The following CACNA1D variants were observed in gnomAD, a reference collection of about 807,000 sequenced individuals.
CACNA1D encodes the protein voltage-dependent L-type calcium channel subunit alpha-1D.
In CACNA1D, 55 loss-of-function variants were observed where a neutral mutation model predicts 257.1. That is an observed-to-expected ratio of 0.21 (90% CI 0.17 to 0.27). The LOEUF is 0.27. Ranked by LOEUF, CACNA1D falls within the 10% of genes least tolerant of loss-of-function variation. The probability of loss-of-function intolerance (pLI) is 1.00; values close to 1 mark genes in which losing one functional copy is unlikely to be tolerated. For synonymous variants in CACNA1D, 980 were observed against 1,014.9 expected (o/e 0.97, Z 0.65); for missense variants, 1,876 against 2,784.0 (o/e 0.67, Z 7.34).
intron 32 of CACNA1D, 45 bp from the exon 33 acceptor site, chr3:53,772,787 CG>C (rs757950063): frequency 6.6e-6 from 10 of 1,511,774 alleles, no homozygotes; most frequent in Non-Finnish European, 9.2e-6. Context: ...CGGGCCGTCA[CG>C]GGGACAGCCG....
intron 3 of CACNA1D, among the ~76,000 whole-genome samples, chr3:53,550,642 C>T (rs1337065521): frequency 6.6e-6 from 1 of 152,154 alleles, no homozygotes; most frequent in South Asian, 2.1e-4. Context: ...GCTTCTCAGT[C>T]GTCTTTGCAG....
intron 32 of CACNA1D, 31 bp downstream of exon 32, chr3:53,770,583 G>T (rs1559657398): frequency 6.2e-7 from 1 of 1,609,686 alleles, no homozygotes; most frequent in African/African-American, 1.3e-5. Flanking sequence ...TTCTCTCTTT[G>T]TCTTTGAAGA....
chr3:53,771,382 A>C (rs2095365509), intron 32 of CACNA1D, among the ~76,000 whole-genome samples: 1 of 152,206 alleles, frequency 6.6e-6, no homozygotes, highest in African/African-American at 2.4e-5. Flanking sequence ...ATATAAAGAG[A>C]AATTTCAAAC....
intron 3 of CACNA1D, among the ~76,000 whole-genome samples, chr3:53,525,918 TCA>T (rs2091746393): frequency 6.6e-6 from 1 of 152,182 alleles, no homozygotes; most frequent in Non-Finnish European, 1.5e-5. Flanking sequence ...TCAAATGATG[TCA>T]CCAGGATCTG....
At chr3:53,783,391 T>G (rs1181317572) in intron 39 of CACNA1D, among the ~76,000 whole-genome samples, 1 of 152,268 alleles carries the variant, frequency 6.6e-6, no homozygotes, top group East Asian at 1.9e-4. Context: ...AGACTTCTAG[T>G]AGAGTAGAAA....
At chr3:53,737,892 A>T (rs2095074618) in intron 20 of CACNA1D, among the ~76,000 whole-genome samples, 1 of 152,224 alleles carries the variant, frequency 6.6e-6, no homozygotes, top group African/African-American at 2.4e-5. Flanking sequence ...TAACTTAGAG[A>T]TGGTGCCCGC....
chr3:53,496,698 T>C (rs1393084330), intron 1 of CACNA1D, among the ~76,000 whole-genome samples: 1 of 152,150 alleles, frequency 6.6e-6, no homozygotes, highest in East Asian at 1.9e-4. Flanking sequence ...TGATTAAGAC[T>C]ATTGAATTAT....
At chr3:53,666,211 G>A in intron 6 of CACNA1D, 128 bp from the exon 7 acceptor site, 1 of 856,370 alleles carries the variant, frequency 1.2e-6, no homozygotes. Context: ...AGGACAAGCA[G>A]GATCCTGAGG....
chr3:53,705,580 G>A (rs1214809420), intron 9 of CACNA1D, among the ~76,000 whole-genome samples: 2 of 152,190 alleles, frequency 1.3e-5, no homozygotes, highest in Non-Finnish European at 2.9e-5. Flanking sequence ...GTTCTTTATG[G>A]AGCTCGTTTT....
chr3:53,568,587 G>T (rs2092889603), intron 3 of CACNA1D, among the ~76,000 whole-genome samples: 2 of 152,050 alleles, frequency 1.3e-5, no homozygotes, highest in South Asian at 4.2e-4. Flanking sequence ...TTCTTTACTC[G>T]CACACCAGGT....
chr3:53,536,267 G>T lies in CACNA1D; in HGVS notation c.483+34547G>T, dbSNP rs191548967. Among the ~76,000 whole-genome samples, 3 of 152,180 alleles carry T rather than the reference G, an allele frequency of 2.0e-5. No individual in the cohort carries two copies. The East Asian group carries it at 5.8e-4, about 29-fold the overall frequency. On this transcript the variant is annotated intron_variant, in intron 3 of 47. Coordinates refer to ENST00000350061, the MANE Select transcript of CACNA1D (RefSeq NM_001128840.3). ...TGTAATTAATAACAGGGGAGGTTAA[G>T]AGTCAAAGATTTTTCTCTTACCCTG...
intron 3 of CACNA1D, among the ~76,000 whole-genome samples, chr3:53,577,092 G>A (rs1445181043): frequency 6.6e-6 from 1 of 152,132 alleles, no homozygotes; most frequent in Non-Finnish European, 1.5e-5. Context: ...TGGGGTGTGG[G>A]CCTCAGAGAG....
At chr3:53,645,495 A>G (rs2094009321) in intron 3 of CACNA1D, among the ~76,000 whole-genome samples, 1 of 152,056 alleles carries the variant, frequency 6.6e-6, no homozygotes, top group African/African-American at 2.4e-5. Context: ...ATTTTTGTAT[A>G]TGGGGTGAGA....
At chr3:53,671,751 C>T (rs2094325328) in intron 7 of CACNA1D, among the ~76,000 whole-genome samples, 1 of 152,176 alleles carries the variant, frequency 6.6e-6, no homozygotes, top group East Asian at 1.9e-4. Context: ...TTAATGTTCA[C>T]TTTCCCTATT....
chr3:53,788,852 G>A (rs751608543), intron 40 of CACNA1D, among the ~76,000 whole-genome samples: 67 of 152,170 alleles, frequency 4.4e-4, no homozygotes, highest in Non-Finnish European at 4.1e-4. Flanking sequence ...TGCATTTTCT[G>A]TGAGAGGCAT....
chr3:53,502,134 C>T (rs1258689077), intron 3 of CACNA1D, among the ~76,000 whole-genome samples: 1 of 148,442 alleles, frequency 6.7e-6, no homozygotes, highest in Non-Finnish European at 1.5e-5. Flanking sequence ...AGAGAATTAT[C>T]GTAGACTTTG....
chr3:53,732,680 G>A (rs2108770896), intron 18 of CACNA1D, 135 bp from the exon 19 acceptor site: 1 of 824,544 alleles, frequency 1.2e-6, no homozygotes, highest in Non-Finnish European at 2.1e-6. Context: ...TTCTGAAGGA[G>A]CAGGAGGGTT....
At chr3:53,585,991 A>T (rs1049549738) in intron 3 of CACNA1D, among the ~76,000 whole-genome samples, 4 of 152,152 alleles carry the variant, frequency 2.6e-5, no homozygotes, top group Admixed American at 1.3e-4. Flanking sequence ...ACTTCTTTCC[A>T]GATCTTCTGC....
chr3:53,495,835 C>T lies in CACNA1D; in HGVS notation c.67+602C>T, dbSNP rs911273602. On this transcript the variant is annotated intron_variant, in intron 1 of 47. Transcript: ENST00000350061. The surrounding 1 kb of genome is among the most constrained non-coding windows in gnomAD (Gnocchi z 5.1). ...CACACGTCGGTAACCTAGCAATGCCCGGGGAGCCGCTGCCGCTGTGGGGCT... is the reference window on the plus strand; with the variant it reads ...CACACGTCGGTAACCTAGCAATGCCTGGGGAGCCGCTGCCGCTGTGGGGCT... Among the ~76,000 whole-genome samples the T allele has an allele frequency of 6.6e-6, 1 of 152,118 alleles. No individual in the cohort carries two copies. The highest frequency in any genetic ancestry group is 2.4e-5 in the African/African-American group (1 of 41,418).
Sources: gnomAD v4.1 joint callset for allele counts (sites outside exome capture counted in the v4.1 genomes callset) on GRCh38, gnomAD v4.1.1 for gene constraint, Gnocchi (gnomAD v3.1) non-coding constraint, MANE v1.5 for transcripts, NCBI Gene and HGNC (gene_info 2026-07-23, HGNC 2026-07-21) for gene names.